Variants in TNNI3K observed in about 807,000 individuals in gnomAD.
The protein encoded by TNNI3K is TNNI3 interacting kinase.
Under a neutral mutation model 114.5 loss-of-function variants are expected in TNNI3K, and 140 were observed. The ratio of observed to expected loss-of-function variants is 1.22; its 90% confidence interval spans 1.07 to 1.41. TNNI3K has a LOEUF of 1.41. Ranked by LOEUF, TNNI3K falls within the 40% of genes most tolerant of loss-of-function variation. The pLI, the probability that TNNI3K is intolerant of heterozygous loss-of-function variation, is 0.00. For synonymous variants in TNNI3K, 347 were observed against 347.5 expected, an observed-to-expected ratio of 1.00 and a Z score of 0.02; for missense variants, 1,125 against 1,007.6, an observed-to-expected ratio of 1.12 and a Z score of -1.58.
In TNNI3K at chr1:74,461,159, T is replaced by C. The variant is rs368385965; in HGVS notation, c.2012-2282T>C. 5.3e-5 allele frequency among the ~76,000 whole-genome samples: 8 copies of C among 152,152 alleles called. No individual in the cohort carries two copies. The South Asian group carries it at 1.0e-3, about 20-fold the overall frequency. ...GAGCACCAGTTTGTTTGCTTATTGA[T>C]TTACCTCATCCCAGAAATAATTTAA... On this transcript the variant is annotated intron_variant, in intron 20 of 24. Transcript: ENST00000326637.
intron 17 of TNNI3K, among the ~76,000 whole-genome samples, chr1:74,413,672 A>G (rs1328806951): frequency 1.3e-5 from 2 of 152,214 alleles, no homozygotes; most frequent in East Asian, 3.8e-4. Flanking sequence ...GCATACTTTG[A>G]ATACAAGCGC....
In TNNI3K at chr1:74,246,763, A is replaced by T. The variant is rs868696719; in HGVS notation, c.150-2696A>T. On this transcript the variant is annotated intron_variant, in intron 2 of 24. Transcript: ENST00000326637. Reference sequence around the variant, plus strand: ...TTGGAGCTCTTCTGTAGCAATAAACACCTGAGAAAATGCAGTTTTTCAATA... The same window carrying T: ...TTGGAGCTCTTCTGTAGCAATAAACTCCTGAGAAAATGCAGTTTTTCAATA... 2.0e-5 allele frequency among the ~76,000 whole-genome samples: 3 copies of T among 152,304 alleles called. No homozygotes were observed. In the South Asian group the frequency reaches 6.2e-4, roughly 32 times the overall value.
intron 17 of TNNI3K, among the ~76,000 whole-genome samples, chr1:74,402,667 A>G (rs1408875939): frequency 6.6e-6 from 1 of 152,202 alleles, no homozygotes; most frequent in Non-Finnish European, 1.5e-5. Flanking sequence ...CTTCTGAACT[A>G]TTCAGGTTGC....
intron 19 of TNNI3K, among the ~76,000 whole-genome samples, chr1:74,438,315 G>A (rs1304844725): frequency 6.6e-6 from 1 of 151,916 alleles, no homozygotes; most frequent in Non-Finnish European, 1.5e-5. Context: ...AATTGCATAT[G>A]AGCACCATAA....
chr1:74,251,405 T>C (rs1654921073), intron 4 of TNNI3K, among the ~76,000 whole-genome samples: 1 of 151,226 alleles, frequency 6.6e-6, no homozygotes, highest in East Asian at 1.9e-4. Flanking sequence ...ATAATTATAA[T>C]AACAATTTCT....
At chr1:74,441,610 G>T (rs1666376224) in intron 20 of TNNI3K, among the ~76,000 whole-genome samples, 1 of 152,026 alleles carries the variant, frequency 6.6e-6, no homozygotes, top group South Asian at 2.1e-4. Flanking sequence ...ACAGTAGTCG[G>T]TGAGAATTTC....
rs568136039 is a variant in TNNI3K, at chr1:74,506,253, T to G, written c.2351+13987T>G. ...GTATGTTCTAGACGCTATTGTGCAT[T>G]TTTTGTATGCCTGTCGTAGCACAGA... On this transcript the variant is annotated intron_variant, in intron 23 of 24. Transcript: ENST00000326637. 3.9e-5 allele frequency among the ~76,000 whole-genome samples: 6 copies of G among 152,350 alleles called. No homozygotes were observed. In the South Asian group the frequency reaches 1.2e-3, roughly 32 times the overall value.
At chr1:74,328,989 C>T (rs943524954) in intron 5 of TNNI3K, among the ~76,000 whole-genome samples, 2 of 152,120 alleles carry the variant, frequency 1.3e-5, no homozygotes, top group African/African-American at 4.8e-5. Context: ...AGATACCAAG[C>T]TCTTGTTATA....
At chr1:74,481,111 T>G (rs1298621088) in intron 21 of TNNI3K, 1 of 575,212 alleles carries the variant, frequency 1.7e-6, no homozygotes, top group African/African-American at 1.9e-5. Context: ...ATGAAAATGA[T>G]TTTCTGATTT....
At chr1:74,397,930 C>T (rs527830981) in intron 17 of TNNI3K, among the ~76,000 whole-genome samples, 15 of 152,340 alleles carry the variant, frequency 9.8e-5, no homozygotes, top group African/African-American at 3.6e-4. Flanking sequence ...TCCAAATATT[C>T]CCTATGGAGT....
chr1:74,538,136 C>A (rs1570757392), intron 23 of TNNI3K, among the ~76,000 whole-genome samples: 1 of 152,068 alleles, frequency 6.6e-6, no homozygotes, highest in Non-Finnish European at 1.5e-5. Context: ...AGTGCTCAGC[C>A]ATAGTCATAG....
intron 20 of TNNI3K, among the ~76,000 whole-genome samples, chr1:74,442,723 G>A (rs1666431105): frequency 6.6e-6 from 1 of 151,596 alleles, no homozygotes; most frequent in African/African-American, 2.4e-5. Flanking sequence ...TTGATATATT[G>A]TAAATGTTAC....
chr1:74,271,801 TACAA>T, intron 5 of TNNI3K, 93 bp downstream of exon 5: 2 of 1,101,890 alleles, frequency 1.8e-6, no homozygotes, highest in East Asian at 5.1e-5. Flanking sequence ...TTTGAGACTT[TACAA>T]GTTGGTTTAT....
At chr1:74,458,205 A>T (rs1667306850) in intron 20 of TNNI3K, among the ~76,000 whole-genome samples, 1 of 152,164 alleles carries the variant, frequency 6.6e-6, no homozygotes, top group African/African-American at 2.4e-5. Flanking sequence ...ACATTTGCTC[A>T]ATGTCACATG....
intron 21 of TNNI3K, among the ~76,000 whole-genome samples, chr1:74,464,374 G>A (rs561004104): frequency 1.3e-5 from 2 of 152,180 alleles, no homozygotes; most frequent in Non-Finnish European, 1.5e-5. Flanking sequence ...AGAGTGGAGA[G>A]TATTAGTTTG....
chr1:74,465,908 A>G (rs1223632732), intron 21 of TNNI3K, among the ~76,000 whole-genome samples: 2 of 152,188 alleles, frequency 1.3e-5, no homozygotes, highest in South Asian at 2.1e-4. Flanking sequence ...AGGGAATAAA[A>G]GCAGGGTGCC....
chr1:74,458,569 A>G (rs546926191), intron 20 of TNNI3K, among the ~76,000 whole-genome samples: 37 of 152,306 alleles, frequency 2.4e-4, no homozygotes, highest in African/African-American at 8.9e-4. Flanking sequence ...TAAACATTAT[A>G]TTCACTCTAC....
intron 5 of TNNI3K, among the ~76,000 whole-genome samples, chr1:74,279,655 C>T (rs760844069): frequency 6.6e-6 from 1 of 152,056 alleles, no homozygotes; most frequent in Admixed American, 6.6e-5. Context: ...TTACAATTTG[C>T]TTTTGGTTGG....
intron 5 of TNNI3K, among the ~76,000 whole-genome samples, chr1:74,274,306 A>G (rs1553126127): frequency 6.6e-6 from 1 of 151,934 alleles, no homozygotes; most frequent in Non-Finnish European, 1.5e-5. Flanking sequence ...GAGGAAGAGG[A>G]GGGGTAGGTT....
Sources: gnomAD v4.1 joint callset for allele counts (sites outside exome capture counted in the v4.1 genomes callset) on GRCh38, gnomAD v4.1.1 for gene constraint, MANE v1.5 for transcripts, NCBI Gene and HGNC (gene_info 2026-07-23, HGNC 2026-07-21) for gene names.